CSF2RA: variants seen among roughly 807,000 people sequenced by gnomAD.
CSF2RA encodes the protein granulocyte-macrophage colony-stimulating factor receptor subunit alpha.
Under a neutral mutation model 51.6 loss-of-function variants are expected in CSF2RA, and 42 were observed. The ratio of observed to expected loss-of-function variants is 0.81; its 90% CI spans 0.64 to 1.05. The LOEUF (loss-of-function observed/expected upper bound fraction) is 1.05, where lower values mean the gene tolerates loss of function less well. Among genes scored for constraint, CSF2RA ranks in the 50% least tolerant of loss-of-function variants. The probability of loss-of-function intolerance (pLI) is 0.00; values close to 1 mark genes in which losing one functional copy is unlikely to be tolerated. For missense variants in CSF2RA, 530 were observed against 501.1 expected (o/e 1.06, Z -0.55); for synonymous variants, 222 against 193.0 (o/e 1.15, Z -1.24).
intron 1 of CSF2RA, among the ~76,000 whole-genome samples, chrX:1,269,296 C>T (rs1267811216): frequency 2.0e-5 from 3 of 152,062 alleles, no homozygotes; most frequent in African/African-American, 4.8e-5. Context: ...CGTGAATTCA[C>T]AGCTATCTGT....
chrX:1,272,360 A>C (rs2088544535), intron 1 of CSF2RA, among the ~76,000 whole-genome samples: 1 of 143,486 alleles, frequency 7.0e-6, no homozygotes, highest in African/African-American at 2.6e-5. Flanking sequence ...CTACAGAAGG[A>C]TAGGGGATTG....
downstream of CSF2RA, among the ~76,000 whole-genome samples, chrX:1,313,379 A>G (rs2084267424): frequency 1.3e-5 from 2 of 151,998 alleles, no homozygotes; most frequent in African/African-American, 4.8e-5. Flanking sequence ...GGTTGCAGTG[A>G]GCCAAGATCA....
chrX:1,305,799 G>T, intron 12 of CSF2RA: 1 of 1,549,632 alleles, frequency 6.5e-7, no homozygotes, highest in East Asian at 2.4e-5. Flanking sequence ...CGGTAGAGAG[G>T]GCCAGGCACG....
At position 1,285,783 on chromosome X, in the gene CSF2RA, C is replaced by T. The variant is rs756203389; in HGVS notation, c.82C>T (p.Arg28Ter). ...FLLIPEKSDL[R>*]TVAPASSLNV... ...CCAGTGCCCGCTCCTTGCAGATCTGCGAACAGTGGCACCAGCCTCTAGTCT... is the reference window on the plus strand; with the variant it reads ...CCAGTGCCCGCTCCTTGCAGATCTGTGAACAGTGGCACCAGCCTCTAGTCT... The change falls in exon 4 of 13, where the codon CGA (arginine) becomes TGA (stop). Residue 28 changes from arginine (R) to a stop codon, truncating the protein, a stop_gained. Coordinates refer to ENST00000381529, the MANE Select transcript of CSF2RA (RefSeq NM_172245.4). LOFTEE classifies it high-confidence loss of function. 62 of 1,611,378 alleles carry T rather than the reference C, an allele frequency of 3.8e-5. No individual in the cohort carries two copies. Among genetic ancestry groups the T allele is most frequent in the Non-Finnish European group, 4.6e-5 (54 of 1,179,398 alleles).
chrX:1,289,210 G>A (rs1392028696), intron 6 of CSF2RA: 4 of 384,868 alleles, frequency 1.0e-5, no homozygotes, highest in Non-Finnish European at 1.5e-5. Flanking sequence ...TGCAACCTGC[G>A]CCTCCCTCCA....
At position 1,272,782 on chromosome X, in the gene CSF2RA, C is replaced by A. The variant is rs190084593; in HGVS notation, c.-90-1973C>A. On this transcript the variant is annotated intron_variant, in intron 1 of 12. Coordinates refer to ENST00000381529, the MANE Select transcript of CSF2RA (RefSeq NM_172245.4). ...CTGGGATTATACGCATGAGCCACTG[C>A]ACCTAGCTTCTTCTTTTTCTTTTTT... 6.6e-3 allele frequency among the ~76,000 whole-genome samples: 987 copies of A among 150,230 alleles called. 7 individuals carry two copies. Among genetic ancestry groups the A allele is most frequent in the African/African-American group, 0.023 (922 of 40,912 alleles).
chrX:1,311,395 C>A (rs1271213517), downstream of CSF2RA, among the ~76,000 whole-genome samples: 1 of 151,800 alleles, frequency 6.6e-6, no homozygotes, highest in African/African-American at 2.4e-5. Context: ...GCTGAAGGCA[C>A]AATTCCTGTA....
At chrX:1,302,020 A>G (rs28594822) in intron 10 of CSF2RA, among the ~76,000 whole-genome samples, 114,694 of 150,000 alleles carry the variant, frequency 0.76, 43,808 homozygotes, top group South Asian at 0.8. Flanking sequence ...AGGTTCAAGC[A>G]ATTCTCCAGC....
In CSF2RA at chrX:1,304,024, C is replaced by A. The variant is rs1193522340; in HGVS notation, c.1043+5C>A. On this transcript the variant is annotated splice_donor_5th_base_variant and intron_variant, in intron 11 of 12. Coordinates refer to ENST00000381529, the MANE Select transcript of CSF2RA (RefSeq NM_172245.4). ...CCTCGGCTTCCTCTTTAAAAGGTAA[C>A]CTGTGAAACACCTGGGCCTCCCCAA... 5 of 1,610,566 alleles carry A rather than the reference C, an allele frequency of 3.1e-6. No homozygotes were observed. Among genetic ancestry groups the A allele is most frequent in the Non-Finnish European group, 4.2e-6 (5 of 1,178,238 alleles).
In CSF2RA at chrX:1,304,645, T is replaced by G. The variant is rs1215376191; in HGVS notation, c.1043+626T>G. ...GCGTGGTTTCTGGGTTGGAGGTGGG[T>G]TTTTTTTTGTTTGTTTGTTTTTTTG... On this transcript the variant is annotated intron_variant, in intron 11 of 12. Coordinates refer to ENST00000381529, the MANE Select transcript of CSF2RA (RefSeq NM_172245.4). Among the ~76,000 whole-genome samples, 7 of 60,552 alleles carry G rather than the reference T, an allele frequency of 1.2e-4. 1 individual carries two copies. The highest frequency in any genetic ancestry group is 1.1e-3 in the East Asian group (2 of 1,864). 39.7% of individuals were successfully genotyped at this position (60,552 alleles called of 152,430 possible). A position where few individuals can be genotyped will look rare whatever the true frequency, so the allele number is the denominator to read the frequency against.
In CSF2RA at chrX:1,288,772, C is replaced by T. The variant is rs1275754551; in HGVS notation, c.357C>T (p.Thr119=). 3 of 1,613,894 alleles carry T rather than the reference C, an allele frequency of 1.9e-6. No individual in the cohort carries two copies. Among genetic ancestry groups the T allele is most frequent in the Non-Finnish European group, 2.5e-6 (3 of 1,179,860 alleles). The change falls in exon 6 of 13, where the codon ACC becomes ACT. Residue 119 remains threonine (T), a synonymous_variant. Transcript: ENST00000381529. ...LLYPNSGREG[T]AAQNFSCFIY... is the part of the protein sequence containing the mutation. The stretch of plus-strand genomic sequence containing the variant: ...ACCTCTTCCCAGGAAGGGAGGGTAC[C>T]GCTGCTCAGAATTTCTCCTGTTTCA...
rs1220897981 is a variant in CSF2RA at position 1,309,898 on chromosome X, A to G, written c.*419A>G. On this transcript the variant is annotated 3_prime_UTR_variant, in exon 13 of 13. Transcript: ENST00000381529. ...GCAAGATTGCATCTCAAAACAAACAATAATAATAAATAATAAAAACCTGAT... is the reference window on the plus strand; with the variant it reads ...GCAAGATTGCATCTCAAAACAAACAGTAATAATAAATAATAAAAACCTGAT... 2 of 575,088 alleles carry G rather than the reference A, an allele frequency of 3.5e-6. No individual in the cohort carries two copies. Among genetic ancestry groups the G allele is most frequent in the Non-Finnish European group, 6.1e-6 (2 of 325,818 alleles). 35.6% of individuals were successfully genotyped at this position (575,088 alleles called of 1,614,324 possible).
intron 2 of CSF2RA, among the ~76,000 whole-genome samples, chrX:1,278,045 C>A (rs1442398482): frequency 4.7e-5 from 7 of 148,484 alleles, no homozygotes; most frequent in African/African-American, 1.5e-4. Flanking sequence ...AGACTAGGTA[C>A]TCCAGAGGCC....
chrX:1,301,912 CTTTTT>C (rs1158872719), intron 10 of CSF2RA, among the ~76,000 whole-genome samples: 75 of 103,642 alleles, frequency 7.2e-4, no homozygotes, highest in African/African-American at 2.6e-3. Flanking sequence ...GGCCCTCCCT[CTTTTT>C]TTTTTTTTTT....
At position 1,285,759 on chromosome X, in the gene CSF2RA, C is replaced by A. The variant is rs1293403618; in HGVS notation, c.77-19C>A. On this transcript the variant is annotated intron_variant, in intron 3 of 12. Transcript: ENST00000381529. ...AAAAGAAAAGAGGAAATTCTGAACC[C>A]AGTGCCCGCTCCTTGCAGATCTGCG... 19 of 1,601,270 alleles carry A rather than the reference C, an allele frequency of 1.2e-5. No homozygotes were observed. The highest frequency in any genetic ancestry group is 1.5e-5 in the Non-Finnish European group (18 of 1,170,824).
At chrX:1,316,260 T>TA in the CSF2RA span, among the ~76,000 whole-genome samples, 2,951 of 94,128 alleles carry the variant, frequency 0.031, 67 homozygotes, top group East Asian at 0.24. Flanking sequence ...ATTAGATAGA[T>TA]GATAGATAGA....
chrX:1,288,005 G>C (rs1213938394), intron 4 of CSF2RA, among the ~76,000 whole-genome samples: 7 of 151,960 alleles, frequency 4.6e-5, no homozygotes, highest in Admixed American at 2.0e-4. Flanking sequence ...CCAGAGTGCT[G>C]GGATTACAGG....
chrX:1,324,927 T>A, the CSF2RA span, among the ~76,000 whole-genome samples: 1 of 152,098 alleles, frequency 6.6e-6, no homozygotes, highest in East Asian at 1.9e-4. Context: ...TACTCAGCGA[T>A]CACAGGACGG....
chrX:1,314,355 C>CCGCACTGCACCTGCCCAAT (rs2084356869), downstream of CSF2RA, among the ~76,000 whole-genome samples: 3 of 139,072 alleles, frequency 2.2e-5, no homozygotes, highest in African/African-American at 8.1e-5. Flanking sequence ...GCCTGCCCAA[C>CCGCACTGCACCTGCCCAAT]CCCACTGCAT....
Sources: allele counts gnomAD v4.1 joint callset (sites outside exome capture counted in the v4.1 genomes callset), GRCh38; gene constraint gnomAD v4.1.1; transcripts MANE v1.5; gene names NCBI Gene and HGNC (gene_info 2026-07-23, HGNC 2026-07-21).